The following METTL21A variants were observed in gnomAD, a reference collection of about 807,000 sequenced individuals.
METTL21A encodes the protein protein N-lysine methyltransferase METTL21A.
A neutral mutation model predicts 20.9 loss-of-function variants in METTL21A; 22 were observed. The ratio of observed to expected loss-of-function variants is 1.05; its 90% CI spans 0.75 to 1.50. The LOEUF is 1.50. Among genes scored for constraint, METTL21A ranks in the 40% most tolerant of loss-of-function variants. The pLI, the probability that METTL21A is intolerant of heterozygous loss-of-function variation, is 0.00. For synonymous variants in METTL21A, 93 were observed against 102.0 expected, an observed-to-expected ratio of 0.91 and a Z score of 0.53; for missense variants, 271 against 266.8, an observed-to-expected ratio of 1.02 and a Z score of -0.11.
intron 3 of METTL21A, among the ~76,000 whole-genome samples, chr2:207,592,927 A>AAAAAGAAAAGAAAG (rs2085359395): frequency 6.6e-6 from 1 of 151,514 alleles, no homozygotes; most frequent in Admixed American, 6.6e-5. Context: ...AGAAAAGAAA[A>AAAAAGAAAAGAAAG]TTCTCAGATA....
At chr2:207,601,744 TA>T (rs1350023117) in intron 3 of METTL21A, 1 of 216,230 alleles carries the variant, frequency 4.6e-6, no homozygotes, top group African/African-American at 2.3e-5. Context: ...AAATGCTGCC[TA>T]AATTTGATTT....
rs1027333578 is a variant in METTL21A at position 207,621,678 on chromosome 2, C to T, written c.259+128G>A. 1.4e-5 allele frequency: 11 copies of T among 778,230 alleles called. No homozygotes were observed. In the South Asian group the frequency reaches 1.8e-4, roughly 13 times the overall value. The allele number at this position is 778,230 out of a possible 1,614,324, so 48.2% of individuals were successfully genotyped here. On this transcript the variant is annotated intron_variant, in intron 3 of 3. Coordinates refer to ENST00000406927, the Ensembl canonical transcript of METTL21A. ...AAGAACCCCAGCAGTTGGCCCACAA[C>T]TCATAAGTATAAGCAAAAGATAATA...
At position 207,600,989 on chromosome 2, in the gene METTL21A, CTCTGTT is replaced by C. The variant is rs199601798; in HGVS notation, c.260-18835_260-18830del. ...CAGTCAGCTATTACCATAAATTGGT[CTCTGTT>C]TATTTTGAAGATCACGGCTGCTTCA... is the stretch of plus-strand genomic sequence containing the variant. On this transcript the variant is annotated intron_variant, in intron 3 of 3. Transcript: ENST00000425132. 247 of 7,350 alleles carry C rather than the reference CTCTGTT, an allele frequency of 0.034. 3 individuals carry two copies. The East Asian group carries it at 0.5, about 15-fold the overall frequency. The allele number at this position is 7,350 out of a possible 1,614,324, so 0.5% of individuals were successfully genotyped here.
chr2:207,619,594 C>T (rs2090227682), intron 3 of METTL21A, among the ~76,000 whole-genome samples: 1 of 151,886 alleles, frequency 6.6e-6, no homozygotes, highest in Non-Finnish European at 1.5e-5. Flanking sequence ...TACGGATACA[C>T]AAAACACACA....
chr2:207,601,037 A>G (rs540068158), intron 3 of METTL21A: 30 of 189,802 alleles, frequency 1.6e-4, no homozygotes, highest in African/African-American at 6.7e-4. Flanking sequence ...AGGATTAAGT[A>G]GGGCTAATGT....
At chr2:207,587,436 A>G (rs981839670) in intron 3 of METTL21A, among the ~76,000 whole-genome samples, 1 of 152,008 alleles carries the variant, frequency 6.6e-6, no homozygotes, top group African/African-American at 2.4e-5. Context: ...CAAAAAATAA[A>G]AGAACCACTA....
At chr2:207,612,073 C>A (rs2089002165), downstream of METTL21A, 1 of 124,614 alleles carries the variant, frequency 8.0e-6, no homozygotes, top group Non-Finnish European at 1.7e-5. Context: ...AAAACCTATT[C>A]AAGATTTCAG....
intron 3 of METTL21A, among the ~76,000 whole-genome samples, chr2:207,595,503 C>A (rs1350158886): frequency 6.6e-6 from 1 of 151,952 alleles, no homozygotes; most frequent in Non-Finnish European, 1.5e-5. Context: ...TCACTGCAGC[C>A]TCGACCTCCC....
chr2:207,613,588 A>C, intron 3 of METTL21A, 145 bp from the exon 4 acceptor site: 1 of 729,802 alleles, frequency 1.4e-6, no homozygotes, highest in Non-Finnish European at 2.1e-6. Context: ...GACAGCTGCA[A>C]TAGAAAAATG....
chr2:207,599,259 T>A (rs1406072994), intron 3 of METTL21A: 1 of 203,572 alleles, frequency 4.9e-6, no homozygotes, highest in African/African-American at 2.3e-5. Flanking sequence ...AGATATGTCA[T>A]TTTTAAAAAC....
At chr2:207,602,310 C>A (rs549245308) in intron 3 of METTL21A, 1 of 195,624 alleles carries the variant, frequency 5.1e-6, no homozygotes, top group African/African-American at 2.3e-5. Flanking sequence ...GCAGTTTTAG[C>A]ACAGAAAGAA....
At chr2:207,582,938 C>T (rs1248126546) in intron 3 of METTL21A, 29 of 191,566 alleles carry the variant, frequency 1.5e-4, no homozygotes, top group Middle Eastern at 5.1e-4. Context: ...TATACATACA[C>T]ACACACATAC....
At chr2:207,586,177 A>G (rs1032527482) in intron 3 of METTL21A, among the ~76,000 whole-genome samples, 1 of 152,216 alleles carries the variant, frequency 6.6e-6, no homozygotes, top group Non-Finnish European at 1.5e-5. Flanking sequence ...GCATCACACT[A>G]CCTGACTTCA....
At chr2:207,585,112 C>G (rs2083587901) in intron 3 of METTL21A, among the ~76,000 whole-genome samples, 1 of 152,152 alleles carries the variant, frequency 6.6e-6, no homozygotes, top group South Asian at 2.1e-4. Flanking sequence ...TGTCTGGAAT[C>G]ATGAAGGCCA....
At chr2:207,624,373 C>A in exon 2 of METTL21A, 1 of 1,612,714 alleles carries the variant, frequency 6.2e-7, no homozygotes, top group Non-Finnish European at 8.5e-7. Context: ...GCACGAGGGC[C>A]ATTCCGCCTG....
intron 3 of METTL21A, among the ~76,000 whole-genome samples, chr2:207,591,802 TG>T (rs1222614109): frequency 6.6e-6 from 1 of 152,178 alleles, no homozygotes; most frequent in Non-Finnish European, 1.5e-5. Context: ...ATATTTGAAG[TG>T]GGATTCTTGT....
At chr2:207,624,365 A>T in exon 2 of METTL21A, 1 of 1,613,262 alleles carries the variant, frequency 6.2e-7, no homozygotes, top group Middle Eastern at 1.7e-4. Flanking sequence ...CTCATAGGGC[A>T]CGAGGGCCAT....
intron 3 of METTL21A, chr2:207,600,040 T>G (rs1269427382): frequency 5.3e-6 from 1 of 188,064 alleles, no homozygotes; most frequent in African/African-American, 2.3e-5. Context: ...TTTTCAAGCT[T>G]TGATAATGTT....
At chr2:207,613,551 T>C (rs145239351) in intron 3 of METTL21A, 108 bp from the exon 4 acceptor site, 1 of 1,016,784 alleles carries the variant, frequency 9.8e-7, no homozygotes, top group African/African-American at 1.6e-5. Flanking sequence ...GCATCTGATA[T>C]GCATAATATC....
Sources: gnomAD v4.1 joint callset for allele counts (sites outside exome capture counted in the v4.1 genomes callset) on GRCh38, gnomAD v4.1.1 for gene constraint, MANE v1.5 for transcripts, NCBI Gene and HGNC (gene_info 2026-07-23, HGNC 2026-07-21) for gene names.